SLC16A9: variants seen among roughly 807,000 people sequenced by gnomAD.
SLC16A9 encodes solute carrier family 16 member 9.
A neutral mutation model predicts 44.3 loss-of-function variants in SLC16A9; 26 were observed. The ratio of observed to expected loss-of-function variants is 0.59; its 90% CI spans 0.43 to 0.81. The LOEUF (loss-of-function observed/expected upper bound fraction) is 0.81. SLC16A9 is among the 40% of genes least tolerant of loss of function. The probability of loss-of-function intolerance (pLI) is 0.00; values close to 1 mark genes in which losing one functional copy is unlikely to be tolerated. For missense variants in SLC16A9, 559 were observed against 595.8 expected (o/e 0.94, Z 0.64); for synonymous variants, 230 against 225.1 (o/e 1.02, Z -0.19).
intron 4 of SLC16A9, among the ~76,000 whole-genome samples, chr10:59,660,816 G>A (rs914158493): frequency 6.6e-6 from 1 of 152,170 alleles, no homozygotes; most frequent in Non-Finnish European, 1.5e-5. Context: ...CGATCAAGTT[G>A]GCTTCATCCC....
At position 59,654,295 on chromosome 10, in the gene SLC16A9, T is replaced by C. The variant is rs747460020; in HGVS notation, c.731A>G (p.Asn244Ser). The change falls in exon 5 of 6, where the codon AAT becomes AGT. Residue 244 changes from asparagine to serine, a missense_variant. Transcript: ENST00000395348. ...TAGGCTGTCTTGTTTCCAGTCACCA[T>C]TGGCTAACGTGATCCTGCATTTTTC... Reference protein sequence around the residue: ...SEEKCRITLANGDWKQDSLLH... With the variant: ...SEEKCRITLASGDWKQDSLLH... The C allele has an allele frequency of 3.7e-6, 6 of 1,614,230 alleles. No individual in the cohort carries two copies. The highest frequency in any genetic ancestry group is 1.1e-5 in the South Asian group (1 of 91,088).
rs547800629 is a variant in SLC16A9, at chr10:59,656,043, CTT to C, written c.437-1456_437-1455del. On this transcript the variant is annotated intron_variant, in intron 4 of 5. Coordinates refer to ENST00000395348, the MANE Select transcript of SLC16A9 (RefSeq NM_194298.3). ...CCTTCATTCCCAAAAGGAAAAAAAA[CTT>C]TGCATGCAAATATTAATGTTTCATG... 5.3e-5 allele frequency among the ~76,000 whole-genome samples: 8 copies of C among 152,206 alleles called. No individual in the cohort carries two copies. In the South Asian group the frequency reaches 1.7e-3, roughly 32 times the overall value.
chr10:59,670,219 C>T (rs562985829), intron 3 of SLC16A9, among the ~76,000 whole-genome samples: 1 of 152,194 alleles, frequency 6.6e-6, no homozygotes, highest in South Asian at 2.1e-4. Flanking sequence ...CTCTGTATGC[C>T]TCTTTATAAA....
At chr10:59,702,312 G>A (rs544973092) in intron 1 of SLC16A9, among the ~76,000 whole-genome samples, 10 of 152,178 alleles carry the variant, frequency 6.6e-5, no homozygotes, top group South Asian at 2.1e-4. Context: ...ATATAACATC[G>A]GATGACATGG....
At chr10:59,687,978 A>AAAT (rs1840171076) in intron 1 of SLC16A9, among the ~76,000 whole-genome samples, 1 of 151,544 alleles carries the variant, frequency 6.6e-6, no homozygotes, top group Non-Finnish European at 1.5e-5. Flanking sequence ...CAAAAAAAAA[A>AAAT]AAAGGAAAGA....
intron 2 of SLC16A9, among the ~76,000 whole-genome samples, chr10:59,673,941 T>C (rs547077937): frequency 1.3e-5 from 2 of 152,326 alleles, no homozygotes; most frequent in South Asian, 2.1e-4. Flanking sequence ...ACAACCCATA[T>C]ACTTTCAATT....
rs189117581 is a variant in SLC16A9, at chr10:59,707,123, C to T, written c.-37+2356G>A. On this transcript the variant is annotated intron_variant, in intron 1 of 5. Coordinates refer to ENST00000395348, the MANE Select transcript of SLC16A9 (RefSeq NM_194298.3). ...GAAATTACCTGGGTGTGGTGGCACA[C>T]GCTTGTAGTCCCAGCTACTCGGGAG... Among the ~76,000 whole-genome samples, 319 of 151,116 alleles carry T rather than the reference C, an allele frequency of 2.1e-3. 1 individual carries two copies. Among genetic ancestry groups the T allele is most frequent in the African/African-American group, 7.3e-3 (301 of 41,098 alleles).
intron 1 of SLC16A9, among the ~76,000 whole-genome samples, chr10:59,687,747 G>A (rs1218997736): frequency 6.6e-6 from 1 of 152,102 alleles, no homozygotes; most frequent in African/African-American, 2.4e-5. Context: ...AATGGCTTGA[G>A]CCCAGGAGTT....
intron 2 of SLC16A9, among the ~76,000 whole-genome samples, chr10:59,677,505 T>C (rs1254209357): frequency 6.6e-6 from 1 of 152,078 alleles, no homozygotes; most frequent in African/African-American, 2.4e-5. Context: ...GAATCTCATA[T>C]CATGTTAGAA....
At chr10:59,659,040 A>T (rs1475550389) in intron 4 of SLC16A9, among the ~76,000 whole-genome samples, 2 of 152,136 alleles carry the variant, frequency 1.3e-5, no homozygotes, top group Admixed American at 6.6e-5. Flanking sequence ...GTCCTAAAAA[A>T]CTCAGGAAAT....
At position 59,684,326 on chromosome 10, in the gene SLC16A9, T is replaced by A. The variant is rs1402557364; in HGVS notation, c.-35A>T. ...AAATCAGGAGGCGTTTCTCTGCAGG[T>A]CCTAAACAAAAACAAACAGAAAAGA... On this transcript the variant is annotated splice_region_variant and 5_prime_UTR_variant, in exon 2 of 6. Coordinates refer to ENST00000395348, the MANE Select transcript of SLC16A9 (RefSeq NM_194298.3). 1.3e-6 allele frequency: 2 copies of A among 1,578,032 alleles called. No homozygotes were observed. The highest frequency in any genetic ancestry group is 3.5e-5 in the Admixed American group (2 of 57,536).
chr10:59,655,355 A>T (rs1458734606), intron 4 of SLC16A9, among the ~76,000 whole-genome samples: 1 of 152,200 alleles, frequency 6.6e-6, no homozygotes, highest in Non-Finnish European at 1.5e-5. Flanking sequence ...TTTTCTTTGC[A>T]CTTATTATGT....
chr10:59,652,975 T>C lies in SLC16A9; in HGVS notation c.1352-25A>G, dbSNP rs755870145. On this transcript the variant is annotated intron_variant, in intron 5 of 5. Transcript: ENST00000395348. ...CCTGAAAAGGCAGTAAGAAAAAAAG[T>C]AAGTTTCATGGAAATAGTATGAACA... 3.8e-6 allele frequency: 6 copies of C among 1,583,548 alleles called. No individual in the cohort carries two copies. The East Asian group carries it at 1.3e-4, about 36-fold the overall frequency.
At chr10:59,696,403 G>A (rs1411398532) in intron 1 of SLC16A9, among the ~76,000 whole-genome samples, 1 of 152,336 alleles carries the variant, frequency 6.6e-6, no homozygotes, top group East Asian at 1.9e-4. Flanking sequence ...CGTTCACTCA[G>A]TGCTCAATGG....
At chr10:59,663,408 C>T (rs1839528948) in intron 4 of SLC16A9, among the ~76,000 whole-genome samples, 1 of 151,962 alleles carries the variant, frequency 6.6e-6, no homozygotes, top group Non-Finnish European at 1.5e-5. Flanking sequence ...CACGTACACT[C>T]CACGGAATAC....
At chr10:59,685,834 A>T (rs749524128) in intron 1 of SLC16A9, among the ~76,000 whole-genome samples, 1 of 152,346 alleles carries the variant, frequency 6.6e-6, no homozygotes, top group Admixed American at 6.5e-5. Flanking sequence ...CATTGAGGCC[A>T]GGTATTACCA....
intron 3 of SLC16A9, among the ~76,000 whole-genome samples, chr10:59,665,863 A>T (rs144760594): frequency 6.6e-6 from 1 of 152,242 alleles, no homozygotes; most frequent in Non-Finnish European, 1.5e-5. Flanking sequence ...AAGTTGAAAC[A>T]GCAACTTTTA....
At position 59,684,171 on chromosome 10, in the gene SLC16A9, G is replaced by A. The variant is rs756533112; in HGVS notation, c.121C>T (p.Leu41=). Residue 41 remains leucine (L), a synonymous_variant, in exon 2 of 6, where the codon CTG becomes TTG. Coordinates refer to ENST00000395348, the MANE Select transcript of SLC16A9 (RefSeq NM_194298.3). ...LAVGVLYIEW[L]DAFGEGKGKT... Reference sequence around the variant, plus strand: ...CCTTTTCCTTCACCAAAGGCATCCAGCCATTCTATGTACAGGACTCCAACA... The same window carrying A: ...CCTTTTCCTTCACCAAAGGCATCCAACCATTCTATGTACAGGACTCCAACA... The A allele has an allele frequency of 6.2e-7, 1 of 1,613,962 alleles. No homozygotes were observed. Among genetic ancestry groups the A allele is most frequent in the East Asian group, 2.2e-5 (1 of 44,858 alleles).
At chr10:59,696,987 GTCA>G (rs1840402537) in intron 1 of SLC16A9, among the ~76,000 whole-genome samples, 1 of 125,074 alleles carries the variant, frequency 8.0e-6, no homozygotes, top group South Asian at 3.2e-4. Context: ...AGGTGGGGGG[GTCA>G]GCCCCCCGCC....
Sources: allele counts gnomAD v4.1 joint callset (sites outside exome capture counted in the v4.1 genomes callset), GRCh38; gene constraint gnomAD v4.1.1; transcripts MANE v1.5; gene names NCBI Gene and HGNC (gene_info 2026-07-23, HGNC 2026-07-21).